Variants in CDC25C observed in about 807,000 individuals in gnomAD.
The protein encoded by CDC25C is cell division cycle 25C, also known as M-phase inducer phosphatase 3.
A neutral mutation model predicts 52.5 loss-of-function variants in CDC25C; 48 were observed. The ratio of observed to expected loss-of-function variants is 0.91; its 90% CI spans 0.72 to 1.16. The LOEUF is 1.16. CDC25C is among the 50% of genes most tolerant of loss of function. CDC25C has a pLI of 0.00. For synonymous variants in CDC25C, 187 were observed against 206.5 expected (o/e 0.91, Z 0.81); for missense variants, 510 against 566.1 (o/e 0.90, Z 1.01).
Position 138,319,386 on chromosome 5 carries a change from A to G in CDC25C, c.460-12T>C, listed in dbSNP as rs1393330167. On this transcript the variant is annotated splice_polypyrimidine_tract_variant and intron_variant, in intron 6 of 13. Coordinates refer to ENST00000323760, the MANE Select transcript of CDC25C (RefSeq NM_001790.5). ...AAGTTTCCATTGTCCTGTCAAGTATATTGACAACATTAAAAACTATTCAAA... is the reference window on the plus strand; with the variant it reads ...AAGTTTCCATTGTCCTGTCAAGTATGTTGACAACATTAAAAACTATTCAAA... 1 of 1,591,184 alleles carries G rather than the reference A, an allele frequency of 6.3e-7. No individual in the cohort carries two copies. The highest frequency in any genetic ancestry group is 1.1e-5 in the South Asian group (1 of 87,742).
At chr5:138,291,127 T>G (rs1030749323) in intron 8 of CDC25C, among the ~76,000 whole-genome samples, 1 of 152,048 alleles carries the variant, frequency 6.6e-6, no homozygotes, top group South Asian at 2.1e-4. Context: ...TTTAATTTTT[T>G]ATTTTATTTT....
At chr5:138,304,456 A>G (rs1393432760) in intron 7 of CDC25C, among the ~76,000 whole-genome samples, 1 of 146,934 alleles carries the variant, frequency 6.8e-6, no homozygotes, top group Non-Finnish European at 1.5e-5. Context: ...CACCAACTGT[A>G]GCTAGGACTA....
chr5:138,307,841 CT>C (rs34362995), intron 7 of CDC25C, among the ~76,000 whole-genome samples: 2 of 152,100 alleles, frequency 1.3e-5, no homozygotes, highest in African/African-American at 2.4e-5. Flanking sequence ...GGTCCCCAGC[CT>C]TTTTGATACT....
At chr5:138,337,858 G>A (rs1437446182) in intron 1 of CDC25C, 6 of 771,586 alleles carry the variant, frequency 7.8e-6, no homozygotes, top group South Asian at 2.9e-5. Flanking sequence ...AGCAGGTGAG[G>A]GGCACTGTGG....
At position 138,288,513 on chromosome 5, in the gene CDC25C, A is replaced by G. The variant is rs182802536; in HGVS notation, c.927+988T>C. 2.0e-5 allele frequency among the ~76,000 whole-genome samples: 3 copies of G among 152,224 alleles called. No individual in the cohort carries two copies. In the East Asian group the frequency reaches 5.8e-4, roughly 30 times the overall value. ...GGAGTTTGAAACCAGCCTGACCAAC[A>G]TAGTAAAACCCCGTCTCTACTAAAA... is the stretch of plus-strand genomic sequence containing the variant. On this transcript the variant is annotated intron_variant, in intron 10 of 13. Coordinates refer to ENST00000323760, the MANE Select transcript of CDC25C (RefSeq NM_001790.5).
intron 4 of CDC25C, 140 bp downstream of exon 4, chr5:138,328,344 C>G: frequency 1.5e-6 from 1 of 660,778 alleles, no homozygotes; most frequent in Non-Finnish European, 2.7e-6. Context: ...AGAAACTGTT[C>G]AAGGTAAGGA....
chr5:138,328,403 T>G (rs113685197), intron 4 of CDC25C, 81 bp downstream of exon 4: 16 of 1,310,870 alleles, frequency 1.2e-5, no homozygotes, highest in South Asian at 5.9e-5. Context: ...TTTTGTACTC[T>G]GCAGAGTCTG....
chr5:138,327,703 T>C (rs1463344978), intron 4 of CDC25C, among the ~76,000 whole-genome samples: 1 of 152,148 alleles, frequency 6.6e-6, no homozygotes, highest in Non-Finnish European at 1.5e-5. Flanking sequence ...ATTTACTCCT[T>C]ACAATAGCTA....
At chr5:138,328,240 C>T (rs1236028891) in intron 4 of CDC25C, among the ~76,000 whole-genome samples, 1 of 152,174 alleles carries the variant, frequency 6.6e-6, no homozygotes, top group Non-Finnish European at 1.5e-5. Context: ...GTGTAGTATA[C>T]CATTTTCCTT....
chr5:138,327,202 C>G (rs1237758981), intron 4 of CDC25C, among the ~76,000 whole-genome samples: 1 of 151,138 alleles, frequency 6.6e-6, no homozygotes, highest in Non-Finnish European at 1.5e-5. Flanking sequence ...TTGTAGTGAG[C>G]CAAAATCGCA....
upstream of CDC25C, chr5:138,333,415 T>C (rs1477889845): frequency 6.6e-6 from 1 of 152,232 alleles, no homozygotes; most frequent in Non-Finnish European, 1.5e-5. Context: ...TTTATCCTAA[T>C]ACCCTTTTCA....
chr5:138,290,237 CTG>C (rs776677419), intron 9 of CDC25C, among the ~76,000 whole-genome samples: 31 of 151,982 alleles, frequency 2.0e-4, no homozygotes, highest in Non-Finnish European at 3.7e-4. Flanking sequence ...AGAAAAAAAT[CTG>C]TAAGAATATG....
At chr5:138,337,876 CGT>C in intron 1 of CDC25C, 1 of 1,029,014 alleles carries the variant, frequency 9.7e-7, no homozygotes, top group Non-Finnish European at 1.3e-6. Flanking sequence ...TGGCTAATTG[CGT>C]GACGCGGCCC....
chr5:138,304,311 G>A (rs1462236077), intron 7 of CDC25C, among the ~76,000 whole-genome samples: 1 of 149,470 alleles, frequency 6.7e-6, no homozygotes, highest in Non-Finnish European at 1.5e-5. Flanking sequence ...TGGGACTACA[G>A]GCATACACAC....
rs1208599313 is a variant in CDC25C, at chr5:138,326,952, C to CAA, written c.336-900_336-899dup. On this transcript the variant is annotated intron_variant, in intron 4 of 13. Transcript: ENST00000323760. ...AGGCAACAAGAGCAAAACTCCGTCT[C>CAA]AAAAAAAAAAAAAAAAAAAAAAGGC... Among the ~76,000 whole-genome samples, 410 of 60,780 alleles carry CAA rather than the reference C, an allele frequency of 6.7e-3. 1 individual carries two copies. The highest frequency in any genetic ancestry group is 0.012 in the Middle Eastern group (1 of 84). 39.9% of individuals were successfully genotyped at this position (60,780 alleles called of 152,430 possible). A position where few individuals can be genotyped will look rare whatever the true frequency, so the allele number is the denominator to read the frequency against.
Position 138,319,324 on chromosome 5 carries a change from A to G in CDC25C, c.510T>C (p.Ile170=). ...DSEMKYLGSP[I]TTVPKLDKNP... ...TTTTATCCAATTTTGGAACAGTAGT[A>G]ATGGGACTGCCCAAATATTTCATTT... The change falls in exon 7 of 14, where the codon ATT becomes ATC. Residue 170 remains isoleucine, a synonymous_variant. Transcript: ENST00000323760. 1 of 1,613,516 alleles carries G rather than the reference A, an allele frequency of 6.2e-7. No individual in the cohort carries two copies. Among genetic ancestry groups the G allele is most frequent in the Non-Finnish European group, 8.5e-7 (1 of 1,179,492 alleles).
At chr5:138,334,078 T>C (rs1304139273), upstream of CDC25C, among the ~76,000 whole-genome samples, 1 of 151,240 alleles carries the variant, frequency 6.6e-6, no homozygotes, top group Non-Finnish European at 1.5e-5. Context: ...GGACTACAGG[T>C]GCCCGCCACC....
At chr5:138,320,915 C>CAAAAAAAAA (rs57923567) in intron 6 of CDC25C, among the ~76,000 whole-genome samples, 1 of 42,256 alleles carries the variant, frequency 2.4e-5, no homozygotes, top group Admixed American at 4.2e-4. Flanking sequence ...GACTCTGTCT[C>CAAAAAAAAA]AAAAAAAAAA....
intron 7 of CDC25C, among the ~76,000 whole-genome samples, chr5:138,309,137 C>T (rs1486260139): frequency 6.6e-6 from 1 of 151,948 alleles, no homozygotes; most frequent in East Asian, 1.9e-4. Flanking sequence ...ACAATGTCCA[C>T]TGACAACACT....
Sources: allele counts gnomAD v4.1 joint callset (sites outside exome capture counted in the v4.1 genomes callset), GRCh38; gene constraint gnomAD v4.1.1; transcripts MANE v1.5; gene names NCBI Gene and HGNC (gene_info 2026-07-23, HGNC 2026-07-21).